Variants in CNGA1 observed in about 807,000 individuals in gnomAD.
CNGA1 encodes cyclic nucleotide-gated channel alpha-1.
In CNGA1, 53 loss-of-function variants were observed where a neutral mutation model predicts 69.7. The observed-to-expected ratio is 0.76, with a 90% CI of 0.61 to 0.96. The LOEUF is 0.96. Among genes scored for constraint, CNGA1 ranks in the 40% least tolerant of loss-of-function variants. The pLI is 0.00. For synonymous variants in CNGA1, 249 were observed against 283.5 expected (o/e 0.88, Z 1.22); for missense variants, 739 against 811.2 (o/e 0.91, Z 1.08).
At chr4:47,959,085 A>G (rs1311850840) in intron 3 of CNGA1, 1 of 152,230 alleles carries the variant, frequency 6.6e-6, no homozygotes, top group Non-Finnish European at 1.5e-5. Flanking sequence ...TCAATCAACA[A>G]AGACATGAAG....
chr4:47,994,609 A>C (rs1665161916), intron 2 of CNGA1, among the ~76,000 whole-genome samples: 1 of 152,092 alleles, frequency 6.6e-6, no homozygotes, highest in African/African-American at 2.4e-5. Context: ...TTGGTTGGTG[A>C]ATTCTTATCC....
chr4:47,982,754 T>C (rs561609269), intron 2 of CNGA1, among the ~76,000 whole-genome samples: 20 of 152,300 alleles, frequency 1.3e-4, no homozygotes, highest in African/African-American at 4.8e-4. Flanking sequence ...AATTCATTGA[T>C]TCATTTTCCT....
chr4:48,008,145 C>A (rs1463221564), intron 2 of CNGA1, among the ~76,000 whole-genome samples: 1 of 151,670 alleles, frequency 6.6e-6, no homozygotes, highest in East Asian at 1.9e-4. Context: ...TTGTAATTTC[C>A]CTTTAACTAC....
At chr4:47,994,045 G>A (rs1207349957) in intron 2 of CNGA1, among the ~76,000 whole-genome samples, 1 of 151,926 alleles carries the variant, frequency 6.6e-6, no homozygotes, top group African/African-American at 2.4e-5. Context: ...GAGAGTGCCT[G>A]ATATAATTTC....
chr4:47,991,330 G>C (rs1397461212), intron 2 of CNGA1, among the ~76,000 whole-genome samples: 1 of 152,112 alleles, frequency 6.6e-6, no homozygotes, highest in South Asian at 2.1e-4. Flanking sequence ...ACTATTTTCT[G>C]ATATTTTGAT....
At chr4:48,002,372 A>C (rs1440010533) in intron 2 of CNGA1, among the ~76,000 whole-genome samples, 1 of 152,192 alleles carries the variant, frequency 6.6e-6, no homozygotes, top group Non-Finnish European at 1.5e-5. Context: ...AAAAAGCCTC[A>C]AGCCCCACTC....
At chr4:47,954,440 G>A (rs1377705872) in intron 3 of CNGA1, among the ~76,000 whole-genome samples, 1 of 152,228 alleles carries the variant, frequency 6.6e-6, no homozygotes, top group Non-Finnish European at 1.5e-5. Context: ...GCACCTTTCC[G>A]TCTGCGTGCT....
At chr4:47,997,788 TA>T (rs1469627823) in intron 2 of CNGA1, among the ~76,000 whole-genome samples, 2 of 152,188 alleles carry the variant, frequency 1.3e-5, no homozygotes, top group African/African-American at 4.8e-5. Flanking sequence ...GCTTCACAAA[TA>T]AATCATGAAT....
chr4:47,946,682 C>CAATTACTTATCA, intron 6 of CNGA1, among the ~76,000 whole-genome samples: 4 of 152,252 alleles, frequency 2.6e-5, no homozygotes, highest in Non-Finnish European at 5.9e-5. Context: ...ATCAATCCGT[C>CAATTACTTATCA]ATATGATGAA....
At chr4:47,966,832 A>C (rs1277927333) in intron 3 of CNGA1, among the ~76,000 whole-genome samples, 1 of 152,246 alleles carries the variant, frequency 6.6e-6, no homozygotes, top group African/African-American at 2.4e-5. Flanking sequence ...GATTCACAAT[A>C]ATAATGACAA....
intron 1 of CNGA1, among the ~76,000 whole-genome samples, chr4:48,011,368 G>A (rs1469002695): frequency 6.7e-6 from 1 of 150,032 alleles, no homozygotes; most frequent in Non-Finnish European, 1.5e-5. Context: ...AAACATGAAG[G>A]TCTTTTAAAT....
intron 3 of CNGA1, among the ~76,000 whole-genome samples, chr4:47,975,298 G>T (rs1223056175): frequency 6.6e-6 from 1 of 152,134 alleles, no homozygotes; most frequent in Non-Finnish European, 1.5e-5. Flanking sequence ...CACACACAGG[G>T]ACCTGCCACA....
At chr4:47,944,879 T>C (rs1353528449) in intron 6 of CNGA1, among the ~76,000 whole-genome samples, 1 of 152,166 alleles carries the variant, frequency 6.6e-6, no homozygotes, top group Non-Finnish European at 1.5e-5. Flanking sequence ...GTAATTATAA[T>C]GAGCATTAAG....
At position 47,986,388 on chromosome 4, in the gene CNGA1, TGA is replaced by T. The variant is rs373865145; in HGVS notation, c.-122-4890_-122-4889del. Among the ~76,000 whole-genome samples the T allele has an allele frequency of 2.7e-3, 402 of 151,272 alleles. 2 individuals carry two copies. Among genetic ancestry groups the T allele is most frequent in the Middle Eastern group, 0.014 (4 of 294 alleles). On this transcript the variant is annotated intron_variant, in intron 2 of 10. Coordinates refer to ENST00000514170, the MANE Select transcript of CNGA1 (RefSeq NM_001379270.1). ...ACCACTGCCAGCCTGGGTGACAGAG[TGA>T]GACTCTATTTCAAAAAAAAAAAAGA...
At chr4:47,991,487 T>G (rs887993987) in intron 2 of CNGA1, among the ~76,000 whole-genome samples, 3 of 152,204 alleles carry the variant, frequency 2.0e-5, no homozygotes, top group Admixed American at 1.3e-4. Flanking sequence ...TCTATTCATG[T>G]TCTTAGCCCA....
intron 6 of CNGA1, among the ~76,000 whole-genome samples, chr4:47,947,402 C>T (rs548250002): frequency 7.9e-5 from 12 of 152,218 alleles, no homozygotes; most frequent in African/African-American, 2.4e-4. Flanking sequence ...AGACTGGGTC[C>T]GATGGCTCAA....
At chr4:48,002,626 G>A (rs1169757952) in intron 2 of CNGA1, among the ~76,000 whole-genome samples, 1 of 151,372 alleles carries the variant, frequency 6.6e-6, no homozygotes, top group Non-Finnish European at 1.5e-5. Flanking sequence ...TTGCTTCTGG[G>A]TGGGACCATA....
In CNGA1 at chr4:47,942,840, G is replaced by A. The variant is rs527857930; in HGVS notation, c.437+341C>T. ...TTTTATTTCAGTTTTTAAAATGATT[G>A]TAGGATCCTAGAAACCTAATCCTCC... is the stretch of plus-strand genomic sequence containing the variant. On this transcript the variant is annotated intron_variant, in intron 8 of 10. Transcript: ENST00000514170. The A allele has an allele frequency of 4.4e-5, 8 of 180,780 alleles. No individual in the cohort carries two copies. The East Asian group carries it at 1.1e-3, about 25-fold the overall frequency. The allele number at this position is 180,780 out of a possible 1,614,324, so 11.2% of individuals were successfully genotyped here. A position where few individuals can be genotyped will look rare whatever the true frequency, so the allele number is the denominator to read the frequency against.
At chr4:47,960,960 G>A (rs181468022) in intron 3 of CNGA1, among the ~76,000 whole-genome samples, 2 of 152,226 alleles carry the variant, frequency 1.3e-5, no homozygotes, top group East Asian at 1.9e-4. Flanking sequence ...AATTGGGGAA[G>A]GTGGTTACAT....
Sources: gnomAD v4.1 joint callset for allele counts (sites outside exome capture counted in the v4.1 genomes callset) on GRCh38, gnomAD v4.1.1 for gene constraint, MANE v1.5 for transcripts, NCBI Gene and HGNC (gene_info 2026-07-23, HGNC 2026-07-21) for gene names.